The following MCF2L variants were observed in gnomAD, a reference collection of about 807,000 sequenced individuals.
MCF2L encodes the protein guanine nucleotide exchange factor DBS.
MCF2L carries 97 observed loss-of-function variants against 153.4 expected under a neutral mutation model. The observed-to-expected ratio is 0.63, with a 90% CI of 0.54 to 0.75. MCF2L has a LOEUF of 0.75. MCF2L is among the 30% of genes least tolerant of loss of function. The pLI is 0.00. For synonymous variants in MCF2L, 659 were observed against 632.2 expected (o/e 1.04, Z -0.64); for missense variants, 1,347 against 1,495.2 (o/e 0.90, Z 1.64).
In MCF2L at chr13:112,900,068, T is replaced by C. The variant is rs149193894; in HGVS notation, c.-4-2131T>C. On this transcript the variant is annotated intron_variant, in intron 1 of 29. Transcript: ENST00000375608. Reference sequence around the variant, plus strand: ...AACGTGACCGTGCACACCTGGCCTTTCATTTTCCCTTTTGGAGGTTTCAGA... The same window carrying C: ...AACGTGACCGTGCACACCTGGCCTTCCATTTTCCCTTTTGGAGGTTTCAGA... Among the ~76,000 whole-genome samples, 942 of 152,322 alleles carry C rather than the reference T, an allele frequency of 6.2e-3. 15 individuals carry two copies. The highest frequency in any genetic ancestry group is 0.022 in the African/African-American group (913 of 41,568).
At chr13:112,948,107 G>C (rs75694028) in intron 2 of MCF2L, among the ~76,000 whole-genome samples, 1 of 152,260 alleles carries the variant, frequency 6.6e-6, no homozygotes, top group East Asian at 1.9e-4. Flanking sequence ...GGTTGCATGG[G>C]TGTCCTGGGC....
intron 1 of MCF2L, among the ~76,000 whole-genome samples, chr13:112,985,802 G>C (rs1041501696): frequency 2.0e-5 from 3 of 152,230 alleles, no homozygotes; most frequent in African/African-American, 7.2e-5. Flanking sequence ...CCCGCGTCTT[G>C]AGAGCTCTGA....
intron 1 of MCF2L, among the ~76,000 whole-genome samples, chr13:112,974,645 A>G (rs1314349848): frequency 6.6e-6 from 1 of 152,310 alleles, no homozygotes; most frequent in South Asian, 2.1e-4. Flanking sequence ...CTGGAGGATG[A>G]ACTCCAGAAT....
chr13:113,065,248 G>A, intron 7 of MCF2L, 163 bp downstream of exon 7: 1 of 740,362 alleles, frequency 1.4e-6, no homozygotes, highest in Non-Finnish European at 2.2e-6. Flanking sequence ...GCCTTTTGAT[G>A]GCAATTAGCT....
intron 2 of MCF2L, chr13:112,955,911 G>C (rs1051539604): frequency 5.3e-5 from 8 of 152,198 alleles, no homozygotes; most frequent in African/African-American, 1.9e-4. Flanking sequence ...TTTAGTCCCG[G>C]AGGATGGATG....
Position 112,933,600 on chromosome 13 carries a change from G to A in MCF2L, c.169+31229G>A, listed in dbSNP as rs1169279671. Among the ~76,000 whole-genome samples, 4 of 152,266 alleles carry A rather than the reference G, an allele frequency of 2.6e-5. No individual in the cohort carries two copies. The East Asian group carries it at 7.7e-4, about 29-fold the overall frequency. On this transcript the variant is annotated intron_variant, in intron 2 of 29. Transcript: ENST00000375608. ...TCGGTATTTTTCTTTTAGTCTGTGA[G>A]CAGGTGTTTTTATTATTTCAGCACA...
intron 2 of MCF2L, among the ~76,000 whole-genome samples, chr13:112,912,818 A>G (rs979214093): frequency 6.8e-6 from 1 of 147,374 alleles, no homozygotes; most frequent in Non-Finnish European, 1.5e-5. Context: ...GTATGTATGT[A>G]TGGGGTGTGC....
intron 2 of MCF2L, among the ~76,000 whole-genome samples, chr13:112,944,603 G>A (rs541025290): frequency 7.4e-6 from 1 of 135,904 alleles, no homozygotes; most frequent in African/African-American, 2.8e-5. Context: ...ACGGAGTCTC[G>A]CTCTGTCGCC....
chr13:113,011,303 T>C (rs2084080446), intron 1 of MCF2L, among the ~76,000 whole-genome samples: 1 of 152,242 alleles, frequency 6.6e-6, no homozygotes, highest in Admixed American at 6.5e-5. Flanking sequence ...CTGCTTTTCA[T>C]ACCCAAAATG....
At chr13:112,968,139 A>AGGG (rs1345507797), upstream of MCF2L, 16 of 50,442 alleles carry the variant, frequency 3.2e-4, no homozygotes, top group African/African-American at 9.7e-4. Flanking sequence ...TTGGGGAGTG[A>AGGG]GGTGGGGGGG....
chr13:112,986,813 C>T (rs1321618405), intron 1 of MCF2L, among the ~76,000 whole-genome samples: 3 of 152,240 alleles, frequency 2.0e-5, no homozygotes, highest in African/African-American at 7.2e-5. Context: ...CCTCACAGAC[C>T]GTGGGGGCTC....
At chr13:112,990,292 CT>C (rs1447213539) in intron 1 of MCF2L, among the ~76,000 whole-genome samples, 1 of 152,246 alleles carries the variant, frequency 6.6e-6, no homozygotes, top group Non-Finnish European at 1.5e-5. Context: ...AGGTCCAGCC[CT>C]GTCGTGGGAT....
intron 2 of MCF2L, among the ~76,000 whole-genome samples, chr13:112,927,475 C>T (rs185929613): frequency 1.8e-4 from 28 of 152,038 alleles, no homozygotes; most frequent in Admixed American, 1.5e-3. Context: ...GATAAATGAC[C>T]GGGTCTGGGG....
In MCF2L at chr13:113,064,625, TG is replaced by T. The variant is rs993062068; in HGVS notation, c.606+208del. On this transcript the variant is annotated intron_variant, in intron 6 of 29. Coordinates refer to ENST00000535094, the MANE Select transcript of MCF2L (RefSeq NM_001112732.3). This position sits in a 1 kb window ranked among gnomAD's most constrained non-coding sequence, Gnocchi z 6.0. ...TCATAAGTTTGGGAGTGGCTTTCTC[TG>T]GGCTTGGAGACCAAAAAAAAAAAAA... 3.7e-5 allele frequency: 20 copies of T among 540,550 alleles called. No individual in the cohort carries two copies. The highest frequency in any genetic ancestry group is 6.2e-5 in the Non-Finnish European group (19 of 305,678). 33.5% of individuals were successfully genotyped at this position (540,550 alleles called of 1,614,324 possible).
rs1335406966 is a variant in MCF2L, at chr13:113,054,785, G to A, written c.370-5808G>A. 2 of 152,184 alleles carry A rather than the reference G, an allele frequency of 1.3e-5. No homozygotes were observed. Among genetic ancestry groups the A allele is most frequent in the South Asian group, 2.1e-4 (1 of 4,832 alleles). 9.4% of individuals were successfully genotyped at this position (152,184 alleles called of 1,614,324 possible). On this transcript the variant is annotated intron_variant, in intron 4 of 29. Transcript: ENST00000535094. This position sits in a 1 kb window ranked among gnomAD's most constrained non-coding sequence, Gnocchi z 5.2. ...AGCTGCATTGGTAAATACATGCAGC[G>A]ATTGTTTTCTGAGTCTCTAAGAATA...
chr13:113,046,542 C>G lies in MCF2L; in HGVS notation c.369+1181C>G, dbSNP rs139001164. ...CTGGTGCGCCAAGGTTTGAGGTATA[C>G]TGAAAAAAGTCATTCCTTTCCCCGC... On this transcript the variant is annotated intron_variant, in intron 4 of 29. Coordinates refer to ENST00000535094, the MANE Select transcript of MCF2L (RefSeq NM_001112732.3). This position sits in a 1 kb window ranked among gnomAD's most constrained non-coding sequence, Gnocchi z 4.4. The G allele has an allele frequency of 1.6e-3, 875 of 533,270 alleles. 6 individuals are homozygous for G. Among genetic ancestry groups the G allele is most frequent in the African/African-American group, 0.015 (802 of 52,036 alleles). 33.0% of individuals were successfully genotyped at this position (533,270 alleles called of 1,614,324 possible).
intron 5 of MCF2L, among the ~76,000 whole-genome samples, chr13:113,062,356 C>G (rs938824578): frequency 9.9e-5 from 15 of 152,140 alleles, no homozygotes; most frequent in Non-Finnish European, 2.1e-4. Context: ...GCTTGTGCAG[C>G]TCAGCGCCCC....
Position 113,011,794 on chromosome 13 carries a change from C to A in MCF2L, c.80-2969C>A, listed in dbSNP as rs1284309817. On this transcript the variant is annotated intron_variant, in intron 1 of 29. Transcript: ENST00000535094. Reference sequence around the variant, plus strand: ...GGTGTGGACGGTGGACACTGTGATGCGGACGGTGGACAGGCGGTGTGGACG... The same window carrying A: ...GGTGTGGACGGTGGACACTGTGATGAGGACGGTGGACAGGCGGTGTGGACG... 3.8e-3 allele frequency among the ~76,000 whole-genome samples: 336 copies of A among 89,278 alleles called. 2 individuals are homozygous for A. Among genetic ancestry groups the A allele is most frequent in the Non-Finnish European group, 6.1e-3 (273 of 44,848 alleles). The allele number at this position is 89,278 out of a possible 152,430, so 58.6% of individuals were successfully genotyped here.
At chr13:113,056,227 CCTA>C (rs1289322866) in intron 4 of MCF2L, among the ~76,000 whole-genome samples, 1 of 152,228 alleles carries the variant, frequency 6.6e-6, no homozygotes, top group Admixed American at 6.5e-5. Flanking sequence ...GGTTTTAATT[CCTA>C]CAAGGCAGGT....
Sources: gnomAD v4.1 joint callset for allele counts (sites outside exome capture counted in the v4.1 genomes callset) on GRCh38, gnomAD v4.1.1 for gene constraint, Gnocchi (gnomAD v3.1) non-coding constraint, MANE v1.5 for transcripts, NCBI Gene and HGNC (gene_info 2026-07-23, HGNC 2026-07-21) for gene names.